HPGDS: variants seen among roughly 807,000 people sequenced by gnomAD.
HPGDS encodes the protein hematopoietic prostaglandin D synthase.
Under a neutral mutation model 23.1 loss-of-function variants are expected in HPGDS, and 26 were observed. The ratio of observed to expected loss-of-function variants is 1.13; its 90% CI spans 0.83 to 1.56. The LOEUF is 1.56. Ranked by LOEUF, HPGDS falls within the 40% of genes most tolerant of loss-of-function variation. The probability of loss-of-function intolerance (pLI) is 0.00; values close to 1 mark genes in which losing one functional copy is unlikely to be tolerated. For synonymous variants in HPGDS, 95 were observed against 77.9 expected (o/e 1.22, Z -1.16); for missense variants, 268 against 236.4 (o/e 1.13, Z -0.88).
At position 94,320,846 on chromosome 4, in the gene HPGDS, G is replaced by A. The variant is rs185473348; in HGVS notation, c.134-2881C>T. ...TCATGAAGTCCTTGCCCATGCCTATGTCCTGAATGGTATTGCCTAGGTTTT... is the reference window on the plus strand; with the variant it reads ...TCATGAAGTCCTTGCCCATGCCTATATCCTGAATGGTATTGCCTAGGTTTT... On this transcript the variant is annotated intron_variant, in intron 2 of 5. Coordinates refer to ENST00000295256, the MANE Select transcript of HPGDS (RefSeq NM_014485.3). 8.5e-3 allele frequency among the ~76,000 whole-genome samples: 1,291 copies of A among 152,280 alleles called. 8 individuals carry two copies. Among genetic ancestry groups the A allele is most frequent in the Middle Eastern group, 0.054 (16 of 294 alleles).
chr4:94,325,978 G>GT (rs111331217), intron 2 of HPGDS, among the ~76,000 whole-genome samples: 3,787 of 141,714 alleles, frequency 0.027, 58 homozygotes, highest in African/African-American at 0.038. Flanking sequence ...TGGCTGACAG[G>GT]TTTTTTTTTT....
At chr4:94,336,814 A>C (rs1721029819) in intron 1 of HPGDS, among the ~76,000 whole-genome samples, 1 of 152,226 alleles carries the variant, frequency 6.6e-6, no homozygotes, top group African/African-American at 2.4e-5. Flanking sequence ...ATAATAATTA[A>C]GAGATTATTC....
intron 2 of HPGDS, among the ~76,000 whole-genome samples, chr4:94,324,328 TCTC>T (rs1756583492): frequency 6.6e-6 from 1 of 152,028 alleles, no homozygotes; most frequent in Non-Finnish European, 1.5e-5. Context: ...TTGGGGAAGT[TCTC>T]CTGGATAATA....
chr4:94,301,883 C>G (rs987485319), intron 5 of HPGDS, among the ~76,000 whole-genome samples: 7 of 152,050 alleles, frequency 4.6e-5, no homozygotes, highest in African/African-American at 1.7e-4. Context: ...CTATGCACCT[C>G]TTTTGCATAG....
intron 3 of HPGDS, among the ~76,000 whole-genome samples, chr4:94,308,976 A>G (rs915163046): frequency 2.0e-5 from 3 of 146,734 alleles, no homozygotes; most frequent in East Asian, 4.0e-4. Flanking sequence ...TAAAATATAT[A>G]TCCCACTAGA....
At chr4:94,310,914 C>A (rs1187766586) in intron 3 of HPGDS, among the ~76,000 whole-genome samples, 1 of 152,136 alleles carries the variant, frequency 6.6e-6, no homozygotes, top group Non-Finnish European at 1.5e-5. Flanking sequence ...AATGGGAGTT[C>A]ACTCATGATT....
intron 2 of HPGDS, among the ~76,000 whole-genome samples, chr4:94,329,733 G>C (rs564713381): frequency 7.2e-5 from 11 of 152,292 alleles, no homozygotes; most frequent in Admixed American, 1.3e-4. Flanking sequence ...TGGGATAACT[G>C]CCCACAACTG....
intron 4 of HPGDS, among the ~76,000 whole-genome samples, chr4:94,304,945 G>T (rs35569829): frequency 6.6e-6 from 1 of 151,990 alleles, no homozygotes; most frequent in Non-Finnish European, 1.5e-5. Flanking sequence ...CTGCACATTA[G>T]GGGGGTGTTT....
At chr4:94,318,667 C>T (rs1473215619) in intron 2 of HPGDS, among the ~76,000 whole-genome samples, 1 of 151,878 alleles carries the variant, frequency 6.6e-6, no homozygotes, top group African/African-American at 2.4e-5. Context: ...AACATATGGC[C>T]CATCCTGTGT....
intron 1 of HPGDS, among the ~76,000 whole-genome samples, chr4:94,340,833 CT>C (rs769902962): frequency 5.9e-4 from 67 of 114,492 alleles, no homozygotes; most frequent in Non-Finnish European, 8.8e-4. Context: ...AAATTTTTTT[CT>C]TTTTTTTTTT....
chr4:94,340,313 T>TTCTTTTTCTTTTC (rs1721129735), intron 1 of HPGDS, among the ~76,000 whole-genome samples: 1 of 17,608 alleles, frequency 5.7e-5, no homozygotes. Flanking sequence ...TTCTTTCTCT[T>TTCTTTTTCTTTTC]TTTTTTTTTT....
chr4:94,334,606 A>G lies in HPGDS; in HGVS notation c.24T>C (p.Tyr8=). 1 of 1,613,252 alleles carries G rather than the reference A, an allele frequency of 6.2e-7. No homozygotes were observed. The highest frequency in any genetic ancestry group is 8.5e-7 in the Non-Finnish European group (1 of 1,179,698). Residue 8 remains tyrosine, a synonymous_variant, in exon 2 of 6, where the codon TAT becomes TAC. Coordinates refer to ENST00000295256, the MANE Select transcript of HPGDS (RefSeq NM_014485.3). Reference sequence around the variant, plus strand: ...TTTCTGCTCTCCCCCTCATATTAAAATAAGTGAGTTTGTAGTTTGGCATGG... The same window carrying G: ...TTTCTGCTCTCCCCCTCATATTAAAGTAAGTGAGTTTGTAGTTTGGCATGG... MPNYKLT[Y]FNMRGRAEII...
intron 2 of HPGDS, among the ~76,000 whole-genome samples, chr4:94,320,682 A>T (rs572653232): frequency 1.1e-3 from 167 of 152,260 alleles, no homozygotes; most frequent in African/African-American, 3.9e-3. Flanking sequence ...AGATGGATAG[A>T]TTGCAAAATT....
At chr4:94,316,470 A>C (rs1391563382) in intron 3 of HPGDS, among the ~76,000 whole-genome samples, 1 of 152,222 alleles carries the variant, frequency 6.6e-6, no homozygotes, top group East Asian at 1.9e-4. Context: ...AGTAGCCACA[A>C]ATACAAAGTA....
rs1355764811 is a variant in HPGDS, at chr4:94,317,947, AT to A, written c.151del (p.Ile51SerfsTer15). The A allele has an allele frequency of 4.4e-6, 7 of 1,609,060 alleles. No homozygotes were observed. The highest frequency in any genetic ancestry group is 5.9e-6 in the Non-Finnish European group (7 of 1,176,612). On this transcript the variant is annotated frameshift_variant, in exon 3 of 6. Coordinates refer to ENST00000295256, the MANE Select transcript of HPGDS (RefSeq NM_014485.3). LOFTEE classifies it high-confidence loss of function. ...EIKSTLPFGK[I>X]PILEVDGLTL... ...AAGTCCATCAACTTCCAAAATGGGG[AT>A]TTTTCCAAATGGGAGAGCTTAAAAT...
chr4:94,299,815 C>T (rs984187088), intron 5 of HPGDS, among the ~76,000 whole-genome samples, 171 bp from the exon 6 acceptor site: 1 of 152,178 alleles, frequency 6.6e-6, no homozygotes, highest in African/African-American at 2.4e-5. Flanking sequence ...CACACTCCAG[C>T]AATCAGGTTA....
rs371564078 is a variant in HPGDS, at chr4:94,315,584, G to A, written c.226+2289C>T. ...AATGGTGCCAATTTAAAATGCTCCC[G>A]TGTAGAAGCTTTCTAAAATGGATTG... On this transcript the variant is annotated intron_variant, in intron 3 of 5. Coordinates refer to ENST00000295256, the MANE Select transcript of HPGDS (RefSeq NM_014485.3). 1.4e-3 allele frequency among the ~76,000 whole-genome samples: 219 copies of A among 152,022 alleles called. 3 individuals carry two copies. In the Middle Eastern group the frequency reaches 0.017, roughly 12 times the overall value.
chr4:94,326,068 G>A (rs1756626196), intron 2 of HPGDS, among the ~76,000 whole-genome samples: 1 of 151,540 alleles, frequency 6.6e-6, no homozygotes, highest in Non-Finnish European at 1.5e-5. Context: ...TCAGTCTGAT[G>A]GGGATTCCTT....
intron 3 of HPGDS, among the ~76,000 whole-genome samples, chr4:94,312,124 G>C (rs1039681618): frequency 6.6e-6 from 1 of 151,944 alleles, no homozygotes; most frequent in Non-Finnish European, 1.5e-5. Context: ...AGGGTTTTTT[G>C]TGTCTCTATC....
Sources: allele counts gnomAD v4.1 joint callset (sites outside exome capture counted in the v4.1 genomes callset), GRCh38; gene constraint gnomAD v4.1.1; transcripts MANE v1.5; gene names NCBI Gene and HGNC (gene_info 2026-07-23, HGNC 2026-07-21).